Variants in MAP4K3 observed in about 807,000 individuals in gnomAD.
MAP4K3 encodes the protein MAPK/ERK kinase kinase kinase 3.
In MAP4K3, 94 loss-of-function variants were observed where a neutral mutation model predicts 143.5. That is an observed-to-expected ratio of 0.65 (90% confidence interval 0.55 to 0.78). The LOEUF is 0.78. Ranked by LOEUF, MAP4K3 falls within the 30% of genes least tolerant of loss-of-function variation. The pLI is 0.00. For missense variants in MAP4K3, 1,077 were observed against 1,068.1 expected, an observed-to-expected ratio of 1.01 and a Z score of -0.12; for synonymous variants, 416 against 347.2, an observed-to-expected ratio of 1.20 and a Z score of -2.20.
chr2:39,274,221 CTT>C (rs1300897706), intron 24 of MAP4K3, among the ~76,000 whole-genome samples: 1 of 148,512 alleles, frequency 6.7e-6, no homozygotes, highest in Admixed American at 6.7e-5. Context: ...CTTTCTCTCT[CTT>C]TTTTTTTTTT....
chr2:39,257,989 T>C (rs1404989831), intron 31 of MAP4K3, among the ~76,000 whole-genome samples: 1 of 152,096 alleles, frequency 6.6e-6, no homozygotes, highest in East Asian at 1.9e-4. Context: ...TGGAGTGCAA[T>C]GGTGCGATCT....
intron 1 of MAP4K3, among the ~76,000 whole-genome samples, chr2:39,419,284 TTA>T: frequency 6.6e-6 from 1 of 152,238 alleles, no homozygotes; most frequent in Non-Finnish European, 1.5e-5. Context: ...CAAAATAAGT[TTA>T]GTTTACAGAT....
At chr2:39,291,959 A>G (rs1280105679) in intron 18 of MAP4K3, among the ~76,000 whole-genome samples, 2 of 152,128 alleles carry the variant, frequency 1.3e-5, no homozygotes, top group African/African-American at 4.8e-5. Context: ...AAGTTTATGT[A>G]ACTTTACCCA....
intron 2 of MAP4K3, among the ~76,000 whole-genome samples, chr2:39,361,233 C>T (rs916732828): frequency 6.6e-6 from 1 of 151,902 alleles, no homozygotes; most frequent in African/African-American, 2.4e-5. Flanking sequence ...AATTATATCA[C>T]GTTTTATGTA....
chr2:39,271,450 G>A (rs1681019934), intron 26 of MAP4K3, among the ~76,000 whole-genome samples: 2 of 152,252 alleles, frequency 1.3e-5, no homozygotes, highest in South Asian at 2.1e-4. Flanking sequence ...TAAAGTTTTT[G>A]TAAAATACAA....
chr2:39,254,978 G>A (rs1356889483), intron 31 of MAP4K3, among the ~76,000 whole-genome samples: 1 of 152,092 alleles, frequency 6.6e-6, no homozygotes, highest in Non-Finnish European at 1.5e-5. Context: ...CTAACATTCT[G>A]CCATTTTTGC....
In MAP4K3 at chr2:39,378,048, G is replaced by A; in HGVS notation, c.154+18C>T. ...TGGCTTTCTAGCAGTAAGAAAAAAT[G>A]AATTTCAAACAATTTACCTGGTTCC... On this transcript the variant is annotated intron_variant, in intron 2 of 33. Transcript: ENST00000263881. 6.8e-7 allele frequency: 1 copy of A among 1,468,196 alleles called. No individual in the cohort carries two copies. The highest frequency in any genetic ancestry group is 9.4e-7 in the Non-Finnish European group (1 of 1,058,638). The allele number at this position is 1,468,196 out of a possible 1,614,324, so 90.9% of individuals were successfully genotyped here.
At chr2:39,417,989 T>C (rs1185014258) in intron 1 of MAP4K3, among the ~76,000 whole-genome samples, 1 of 151,820 alleles carries the variant, frequency 6.6e-6, no homozygotes, top group African/African-American at 2.4e-5. Flanking sequence ...GATTATGAGG[T>C]CAAGAGACAA....
At chr2:39,304,638 A>C (rs1682632136) in intron 15 of MAP4K3, among the ~76,000 whole-genome samples, 1 of 152,248 alleles carries the variant, frequency 6.6e-6, no homozygotes, top group Admixed American at 6.5e-5. Flanking sequence ...AAAATGTTGC[A>C]GCTGCTGTGG....
chr2:39,395,243 A>G (rs1362014861), intron 1 of MAP4K3, among the ~76,000 whole-genome samples: 1 of 152,228 alleles, frequency 6.6e-6, no homozygotes, highest in Non-Finnish European at 1.5e-5. Flanking sequence ...TACCAAAGAA[A>G]TTTAGCAACA....
intron 1 of MAP4K3, among the ~76,000 whole-genome samples, chr2:39,394,019 T>C (rs1003977520): frequency 4.6e-5 from 7 of 152,202 alleles, no homozygotes; most frequent in Non-Finnish European, 8.8e-5. Context: ...GTAAATTAAA[T>C]TAATTTATAA....
intron 2 of MAP4K3, among the ~76,000 whole-genome samples, chr2:39,360,886 G>C (rs1665751237): frequency 6.6e-6 from 1 of 152,078 alleles, no homozygotes; most frequent in Non-Finnish European, 1.5e-5. Context: ...GGGGATTATG[G>C]GAATGACTCA....
chr2:39,418,376 A>G (rs1667451267), intron 1 of MAP4K3, among the ~76,000 whole-genome samples: 2 of 152,224 alleles, frequency 1.3e-5, no homozygotes, highest in Admixed American at 6.5e-5. Flanking sequence ...AATATAAAAT[A>G]ACTGAATAAA....
intron 6 of MAP4K3, among the ~76,000 whole-genome samples, chr2:39,334,538 G>A (rs1683796967): frequency 6.6e-6 from 1 of 152,280 alleles, no homozygotes; most frequent in South Asian, 2.1e-4. Flanking sequence ...AATAGTAGGG[G>A]AAGGAGAAAA....
chr2:39,259,342 T>C (rs1226932775), intron 29 of MAP4K3, among the ~76,000 whole-genome samples: 1 of 152,126 alleles, frequency 6.6e-6, no homozygotes, highest in African/African-American at 2.4e-5. Context: ...GGCTCAGAAA[T>C]GTCACAAGTC....
At chr2:39,386,839 G>A (rs866947053) in intron 1 of MAP4K3, among the ~76,000 whole-genome samples, 54 of 133,138 alleles carry the variant, frequency 4.1e-4, no homozygotes, top group Middle Eastern at 3.7e-3. Context: ...TTTTTGAGAC[G>A]GAGTCTCACT....
chr2:39,326,121 G>C, intron 9 of MAP4K3, 25 bp downstream of exon 9: 1 of 1,602,664 alleles, frequency 6.2e-7, no homozygotes, highest in South Asian at 1.1e-5. Context: ...TTAAGCGTAA[G>C]ATTCTTCAAT....
intron 1 of MAP4K3, among the ~76,000 whole-genome samples, chr2:39,387,033 C>T (rs745807993): frequency 1.5e-4 from 23 of 152,048 alleles, no homozygotes; most frequent in Non-Finnish European, 3.1e-4. Context: ...AGGCTCATCG[C>T]CAACTCCTGA....
At chr2:39,378,453 G>C (rs570696535) in intron 1 of MAP4K3, among the ~76,000 whole-genome samples, 2 of 152,220 alleles carry the variant, frequency 1.3e-5, no homozygotes, top group African/African-American at 4.8e-5. Flanking sequence ...TTTTGCAAGT[G>C]AGGAAACTAA....
Sources: gnomAD v4.1 joint callset for allele counts (sites outside exome capture counted in the v4.1 genomes callset) on GRCh38, gnomAD v4.1.1 for gene constraint, MANE v1.5 for transcripts, NCBI Gene and HGNC (gene_info 2026-07-23, HGNC 2026-07-21) for gene names.